Variants in VAV1 observed in about 807,000 individuals in gnomAD.
The protein encoded by VAV1 is proto-oncogene vav.
Under a neutral mutation model 128.1 loss-of-function variants are expected in VAV1, and 33 were observed. That is an observed-to-expected ratio of 0.26 (90% CI 0.20 to 0.34). The LOEUF is 0.34. Ranked by LOEUF, VAV1 falls within the 10% of genes least tolerant of loss-of-function variation. The pLI is 1.00. For missense variants in VAV1, 715 were observed against 1,093.7 expected, an observed-to-expected ratio of 0.65 and a Z score of 4.88; for synonymous variants, 394 against 409.8, an observed-to-expected ratio of 0.96 and a Z score of 0.47.
intron 1 of VAV1, among the ~76,000 whole-genome samples, chr19:6,795,337 C>G (rs1315780021): frequency 1.3e-5 from 2 of 152,054 alleles, no homozygotes; most frequent in Non-Finnish European, 2.9e-5. Flanking sequence ...GAACCTTGAG[C>G]AAATGACCCT....
intron 21 of VAV1, among the ~76,000 whole-genome samples, chr19:6,839,383 C>A (rs1972313994): frequency 6.6e-6 from 1 of 151,868 alleles, no homozygotes; most frequent in Non-Finnish European, 1.5e-5. Context: ...ATGAAAAATT[C>A]AGAATACTGA....
intron 1 of VAV1, among the ~76,000 whole-genome samples, chr19:6,799,508 TTTGTTAC>T (rs1971214570): frequency 6.6e-6 from 1 of 151,934 alleles, no homozygotes; most frequent in Non-Finnish European, 1.5e-5. Flanking sequence ...AACGTGCAGG[TTTGTTAC>T]ATAGGTATAC....
At chr19:6,802,159 G>A (rs1405323655) in intron 1 of VAV1, among the ~76,000 whole-genome samples, 1 of 151,998 alleles carries the variant, frequency 6.6e-6, no homozygotes, top group East Asian at 1.9e-4. Flanking sequence ...ATGGGCACAG[G>A]AAGGGGAACA....
chr19:6,780,718 C>A (rs1267284566), intron 1 of VAV1, among the ~76,000 whole-genome samples: 1 of 148,744 alleles, frequency 6.7e-6, no homozygotes, highest in Non-Finnish European at 1.5e-5. Context: ...ATTACAGGCA[C>A]GTGCCACCAC....
intron 21 of VAV1, among the ~76,000 whole-genome samples, chr19:6,842,355 C>T (rs912684914): frequency 6.6e-6 from 1 of 152,224 alleles, no homozygotes; most frequent in African/African-American, 2.4e-5. Flanking sequence ...TAGTGTAAAT[C>T]TGCTCACCCT....
chr19:6,792,846 A>G (rs916596801), intron 1 of VAV1, among the ~76,000 whole-genome samples: 1 of 152,012 alleles, frequency 6.6e-6, no homozygotes, highest in African/African-American at 2.4e-5. Context: ...TGTGTTATTG[A>G]TATCTATTGG....
intron 1 of VAV1, among the ~76,000 whole-genome samples, chr19:6,815,071 G>C (rs1270341406): frequency 6.6e-6 from 1 of 152,012 alleles, no homozygotes; most frequent in Non-Finnish European, 1.5e-5. Context: ...AGAGCCTTGG[G>C]CGAGCAACAG....
intron 1 of VAV1, among the ~76,000 whole-genome samples, chr19:6,792,855 G>T (rs1448555863): frequency 6.6e-6 from 1 of 152,020 alleles, no homozygotes; most frequent in Non-Finnish European, 1.5e-5. Flanking sequence ...GATATCTATT[G>T]GATAGAGGCC....
intron 1 of VAV1, among the ~76,000 whole-genome samples, chr19:6,814,668 C>CTCCCT (rs1568299159): frequency 1.1e-4 from 8 of 75,336 alleles, no homozygotes; most frequent in Non-Finnish European, 1.9e-4. Context: ...TCCTTCCTTC[C>CTCCCT]TTCCTTTCTT....
chr19:6,843,080 C>T, intron 21 of VAV1, 55 bp from the exon 22 acceptor site: 1 of 1,579,146 alleles, frequency 6.3e-7, no homozygotes, highest in South Asian at 1.1e-5. Flanking sequence ...GCCCTGCCCT[C>T]TGCTGTCAAG....
chr19:6,825,758 C>T (rs1166271935), intron 8 of VAV1, among the ~76,000 whole-genome samples: 1 of 152,168 alleles, frequency 6.6e-6, no homozygotes, highest in East Asian at 1.9e-4. Context: ...GGTGTGGTGG[C>T]TAATGCCTGT....
intron 1 of VAV1, among the ~76,000 whole-genome samples, chr19:6,789,140 T>G (rs532554639): frequency 4.3e-4 from 65 of 152,342 alleles, no homozygotes; most frequent in African/African-American, 1.5e-3. Flanking sequence ...GTGAGCTTGC[T>G]GTCTTGGGGA....
rs113031036 is a variant in VAV1 at position 6,833,294 on chromosome 19, C to A, written c.1610+9C>A. The A allele has an allele frequency of 2.2e-5, 35 of 1,605,454 alleles. No individual in the cohort carries two copies. In the African/African-American group the frequency reaches 3.6e-4, roughly 17 times the overall value. On this transcript the variant is annotated intron_variant, in intron 16 of 26. Coordinates refer to ENST00000602142, the MANE Select transcript of VAV1 (RefSeq NM_005428.4). ...TGTCAGATGCTGCTTAGGTGAGAAT[C>A]TGGGAGGAGGGTCCTGCATACCGGA...
In VAV1 at chr19:6,852,914, C is replaced by A. The variant is rs375037873; in HGVS notation, c.2218-51C>A. 4.5e-5 allele frequency: 68 copies of A among 1,519,570 alleles called. 4 individuals carry two copies. In the South Asian group the frequency reaches 4.6e-4, roughly 10 times the overall value. The allele number at this position is 1,519,570 out of a possible 1,614,324, so 94.1% of individuals were successfully genotyped here. A position where few individuals can be genotyped will look rare whatever the true frequency, so the allele number is the denominator to read the frequency against. ...ATATGGCTGTTCCTAGCTCTGCCCC[C>A]TTATGGGCTGGCCCGCTGGGATAGC... On this transcript the variant is annotated intron_variant, in intron 24 of 26. Coordinates refer to ENST00000602142, the MANE Select transcript of VAV1 (RefSeq NM_005428.4).
intron 21 of VAV1, among the ~76,000 whole-genome samples, chr19:6,839,268 G>T (rs1282651277): frequency 6.8e-6 from 1 of 147,800 alleles, no homozygotes; most frequent in African/African-American, 2.5e-5. Context: ...TGTCCAGGCT[G>T]GTCTTGAACT....
rs1382009649 is a variant in VAV1, at chr19:6,816,169, A to AGG, written c.205-4533_205-4532insGG. ...CGAGTAGCTGGGACTACAGGCGCACACCACCACGCCCAGCTAATTTTTTTG... is the reference window on the plus strand; with the variant it reads ...CGAGTAGCTGGGACTACAGGCGCACAGGCCACCACGCCCAGCTAATTTTTTTG... On this transcript the variant is annotated intron_variant, in intron 1 of 26. Transcript: ENST00000602142. Among the ~76,000 whole-genome samples, 286 of 151,968 alleles carry AGG rather than the reference A, an allele frequency of 1.9e-3. 4 individuals carry two copies. In the East Asian group the frequency reaches 0.034, roughly 18 times the overall value.
intron 22 of VAV1, among the ~76,000 whole-genome samples, chr19:6,846,327 C>G (rs1972521166): frequency 6.6e-6 from 1 of 151,328 alleles, no homozygotes; most frequent in Admixed American, 6.6e-5. Context: ...TGGCTTATGC[C>G]TGTAATCCCA....
rs576789241 is a variant in VAV1 at position 6,810,684 on chromosome 19, G to A, written c.205-10018G>A. 2.0e-5 allele frequency among the ~76,000 whole-genome samples: 3 copies of A among 151,854 alleles called. No homozygotes were observed. In the South Asian group the frequency reaches 6.2e-4, roughly 32 times the overall value. The stretch of plus-strand genomic sequence containing the variant: ...CACGTCATTGCACTCTGGCCTGGGC[G>A]ACAAGAGTGAAACGTTATCTCAAAA... On this transcript the variant is annotated intron_variant, in intron 1 of 26. Transcript: ENST00000602142.
rs534477634 is a variant in VAV1 at position 6,821,471 on chromosome 19, T to C, written c.322-151T>C. 447 of 787,656 alleles carry C rather than the reference T, an allele frequency of 5.7e-4. 4 individuals are homozygous for C. In the South Asian group the frequency reaches 6.5e-3, roughly 11 times the overall value. 48.8% of individuals were successfully genotyped at this position (787,656 alleles called of 1,614,324 possible). A position where few individuals can be genotyped will look rare whatever the true frequency, so the allele number is the denominator to read the frequency against. On this transcript the variant is annotated intron_variant, in intron 2 of 26. Coordinates refer to ENST00000602142, the MANE Select transcript of VAV1 (RefSeq NM_005428.4). ...GGGTGGGGCTCATTTGAGAGAACGA[T>C]GGTATGGGGAATAGGAGGTAGAGAA...
Sources: allele counts gnomAD v4.1 joint callset (sites outside exome capture counted in the v4.1 genomes callset), GRCh38; gene constraint gnomAD v4.1.1; transcripts MANE v1.5; gene names NCBI Gene and HGNC (gene_info 2026-07-23, HGNC 2026-07-21).